Variants in MRI1 observed in about 807,000 individuals in gnomAD.
MRI1 encodes methylthioribose-1-phosphate isomerase.
MRI1 carries 32 observed loss-of-function variants against 27.3 expected under a neutral mutation model. The ratio of observed to expected loss-of-function variants is 1.17; its 90% confidence interval spans 0.88 to 1.57. MRI1 has a LOEUF of 1.57. MRI1 is among the 40% of genes most tolerant of loss of function. The pLI, the probability that MRI1 is intolerant of heterozygous loss-of-function variation, is 0.00. For missense variants in MRI1, 508 were observed against 516.1 expected (o/e 0.98, Z 0.15); for synonymous variants, 216 against 227.4 (o/e 0.95, Z 0.45).
chr19:13,772,232 C>G lies in MRI1; in HGVS notation c.1061C>G (p.Thr354Ser). The G allele has an allele frequency of 6.2e-7, 1 of 1,614,110 alleles. No homozygotes were observed. The highest frequency in any genetic ancestry group is 2.2e-5 in the East Asian group (1 of 44,876). ...FAPEELRTALTTTISSRDGTL... is the reference protein window; with the variant it reads ...FAPEELRTALSTTISSRDGTL... Reference sequence around the variant, plus strand: ...CCTGAGGAGCTCCGGACAGCCCTAACCACCACCATCTCTTCCAGGGATGGA... The same window carrying G: ...CCTGAGGAGCTCCGGACAGCCCTAAGCACCACCATCTCTTCCAGGGATGGA... The change falls in exon 6 of 6, where the codon ACC (threonine) becomes AGC (serine). Residue 354 changes from threonine (T) to serine (S), a missense_variant. Physicochemically the swap from Thr to Ser is moderately conservative, Grantham distance 58. Around this residue, in one of 3 missense-constraint regions of MRI1, gnomAD observed 457 missense variants for 452.8 expected, o/e 1.01. Coordinates refer to ENST00000040663, the MANE Select transcript of MRI1 (RefSeq NM_001031727.4).
intron 2 of MRI1, 141 bp from the exon 3 acceptor site, chr19:13,765,813 C>T: frequency 5.7e-6 from 5 of 875,772 alleles, no homozygotes; most frequent in Middle Eastern, 3.6e-4. Context: ...CTTCGGTGGC[C>T]CTGGCCGAAG....
At chr19:13,769,173 C>CT (rs1031786345) in intron 5 of MRI1, 125 bp downstream of exon 5, 46 of 836,894 alleles carry the variant, frequency 5.5e-5, no homozygotes, top group African/African-American at 2.9e-4. Flanking sequence ...TTTCTTTTTT[C>CT]TTTTTTTTGA....
chr19:13,768,367 C>T (rs1213100122), intron 3 of MRI1, 194 bp from the exon 4 acceptor site: 14 of 1,455,944 alleles, frequency 9.6e-6, no homozygotes, highest in Admixed American at 5.9e-5. Context: ...AGACGTGAAA[C>T]GGAGCTATGC....
At chr19:13,770,350 G>T (rs1015221494) in intron 5 of MRI1, among the ~76,000 whole-genome samples, 2 of 151,974 alleles carry the variant, frequency 1.3e-5, no homozygotes, top group African/African-American at 4.8e-5. Flanking sequence ...TTTGGGAGGC[G>T]GAGGTGGGCG....
At position 13,769,002 on chromosome 19, in the gene MRI1, G is replaced by A. The variant is rs538059263; in HGVS notation, c.903G>A (p.Pro301=). Residue 301 remains proline (P), a synonymous_variant, in exon 5 of 6, where the codon CCG becomes CCA. Transcript: ENST00000040663. ...TGKEIIIEER[P]GQELTDVNGV... is the part of the protein sequence containing the mutation. ...AGGAGATCATTATTGAAGAGCGACCGGGCCAGGAGCTGACCGATGTTAATG... is the reference window on the plus strand; with the variant it reads ...AGGAGATCATTATTGAAGAGCGACCAGGCCAGGAGCTGACCGATGTTAATG... 1.1e-5 allele frequency: 17 copies of A among 1,613,756 alleles called. No individual in the cohort carries two copies. Among genetic ancestry groups the A allele is most frequent in the Admixed American group, 5.0e-5 (3 of 59,978 alleles).
chr19:13,770,956 ATG>A (rs769229056), intron 5 of MRI1, among the ~76,000 whole-genome samples: 1 of 151,654 alleles, frequency 6.6e-6, no homozygotes, highest in East Asian at 1.9e-4. Flanking sequence ...GCCAGGTAAA[ATG>A]GCTCACACCT....
rs1302535653 is a variant in MRI1 at position 13,764,918 on chromosome 19, C to T, written c.180C>T (p.Ala60=). Residue 60 remains alanine, a synonymous_variant, in exon 2 of 6, where the codon GCC becomes GCT. Transcript: ENST00000040663. ...AIALVGCLSL[A]VELQAGAGGP... ...CCCTGGTGGGCTGTCTCAGCCTCGC[C>T]GTGGAGCTGCAGGCGGGCGCCGGGG... 2.0e-6 allele frequency: 3 copies of T among 1,487,032 alleles called. No individual in the cohort carries two copies. Among genetic ancestry groups the T allele is most frequent in the Non-Finnish European group, 2.7e-6 (3 of 1,123,896 alleles). 92.1% of individuals were successfully genotyped at this position (1,487,032 alleles called of 1,614,324 possible).
rs768906445 is a variant in MRI1, at chr19:13,768,320, A to G, written c.548-241A>G. The stretch of plus-strand genomic sequence containing the variant: ...GGGGATTGCTATGCAAAACTGATAT[A>G]TCAGGGAAGGCTTCACCGAGAAGGT... On this transcript the variant is annotated intron_variant, in intron 3 of 5. Coordinates refer to ENST00000040663, the MANE Select transcript of MRI1 (RefSeq NM_001031727.4). 4.0e-6 allele frequency: 4 copies of G among 1,009,536 alleles called. No individual in the cohort carries two copies. The South Asian group carries it at 5.5e-5, about 14-fold the overall frequency. The allele number at this position is 1,009,536 out of a possible 1,614,324, so 62.5% of individuals were successfully genotyped here.
chr19:13,765,160 C>T, intron 2 of MRI1, 51 bp downstream of exon 2: 4 of 1,391,338 alleles, frequency 2.9e-6, no homozygotes, highest in Non-Finnish European at 3.8e-6. Context: ...TATATTGACT[C>T]TTTTTAAGTA....
In MRI1 at chr19:13,764,623, C is replaced by G; in HGVS notation, c.35C>G (p.Ser12Cys). Residue 12 changes from serine (S) to cysteine (C), a missense_variant, in exon 1 of 6, where the codon TCC (serine) becomes TGC (cysteine). Ser to Cys is a moderately radical substitution (Grantham distance 112, BLOSUM62 -1). This residue lies in a region of MRI1 where 32 missense variants were observed against 20.2 expected (regional missense o/e 1.58). Coordinates refer to ENST00000040663, the MANE Select transcript of MRI1 (RefSeq NM_001031727.4). Reference protein sequence around the residue: ...TLEAIRYSRGSLQILDQLLLP... With the variant: ...TLEAIRYSRGCLQILDQLLLP... ...GAGGCGATCCGCTACTCGCGGGGCT[C>G]CCTGCAGATCCTAGACCAGCTGCTG... The G allele has an allele frequency of 6.2e-7, 1 of 1,609,508 alleles. No homozygotes were observed. Among genetic ancestry groups the G allele is most frequent in the Non-Finnish European group, 8.5e-7 (1 of 1,179,330 alleles).
In MRI1 at chr19:13,768,820, C is replaced by G; in HGVS notation, c.725-4C>G. On this transcript the variant is annotated splice_region_variant and splice_polypyrimidine_tract_variant and intron_variant, in intron 4 of 5. Coordinates refer to ENST00000040663, the MANE Select transcript of MRI1 (RefSeq NM_001031727.4). ...CCCCAACTTCTCATACGCCCCCTCC[C>G]CAGCTGTGGTCGTGGGAGCTGACCG... 6.2e-7 allele frequency: 1 copy of G among 1,601,836 alleles called. No individual in the cohort carries two copies. Among genetic ancestry groups the G allele is most frequent in the Non-Finnish European group, 8.5e-7 (1 of 1,171,828 alleles).
Position 13,772,343 on chromosome 19 carries a change from C to A in MRI1, c.*62C>A. Reference sequence around the variant, plus strand: ...TTCAATACATTTCTTGAATGGCTACCCAAAAGCTGACCGTCCAGCCCCTGA... The same window carrying A: ...TTCAATACATTTCTTGAATGGCTACACAAAAGCTGACCGTCCAGCCCCTGA... On this transcript the variant is annotated 3_prime_UTR_variant, in exon 6 of 6. Coordinates refer to ENST00000040663, the MANE Select transcript of MRI1 (RefSeq NM_001031727.4). 1 of 1,525,748 alleles carries A rather than the reference C, an allele frequency of 6.6e-7. No homozygotes were observed. Among genetic ancestry groups the A allele is most frequent in the Non-Finnish European group, 8.9e-7 (1 of 1,121,266 alleles). 94.5% of individuals were successfully genotyped at this position (1,525,748 alleles called of 1,614,324 possible).
rs1350924616 is a variant in MRI1 at position 13,772,511 on chromosome 19, T to C, written c.*230T>C. On this transcript the variant is annotated 3_prime_UTR_variant, in exon 6 of 6. Coordinates refer to ENST00000040663, the MANE Select transcript of MRI1 (RefSeq NM_001031727.4). ...TTGGGCAAGTCACTTCACCTCTCTG[T>C]GCCTTGGTTTCCTCATTTATAAAAT... 2.3e-6 allele frequency: 1 copy of C among 427,830 alleles called. No individual in the cohort carries two copies. The highest frequency in any genetic ancestry group is 4.1e-5 in the Admixed American group (1 of 24,304). The allele number at this position is 427,830 out of a possible 1,614,324, so 26.5% of individuals were successfully genotyped here.
chr19:13,769,673 G>A (rs535712488), intron 5 of MRI1, among the ~76,000 whole-genome samples: 16 of 152,102 alleles, frequency 1.1e-4, no homozygotes, highest in African/African-American at 2.6e-4. Context: ...TGTAATCCCA[G>A]CACTTTGGGA....
chr19:13,768,090 G>C (rs888148344), intron 3 of MRI1, among the ~76,000 whole-genome samples: 1 of 151,644 alleles, frequency 6.6e-6, no homozygotes, highest in Non-Finnish European at 1.5e-5. Flanking sequence ...GGATGGTCTC[G>C]ATCTCCTGAC....
In MRI1 at chr19:13,774,195, G is replaced by A. The variant is rs541010059; in HGVS notation, c.*1914G>A. On this transcript the variant is annotated 3_prime_UTR_variant, in exon 6 of 6. Transcript: ENST00000040663. ...GAGGTGAGTGCCACACCCTAACCTAGTCTGAGTTTTTATGTGTAAAGATCA... is the reference window on the plus strand; with the variant it reads ...GAGGTGAGTGCCACACCCTAACCTAATCTGAGTTTTTATGTGTAAAGATCA... 14 of 379,670 alleles carry A rather than the reference G, an allele frequency of 3.7e-5. No individual in the cohort carries two copies. In the South Asian group the frequency reaches 8.5e-4, roughly 23 times the overall value. 23.5% of individuals were successfully genotyped at this position (379,670 alleles called of 1,614,324 possible). A position where few individuals can be genotyped will look rare whatever the true frequency, so the allele number is the denominator to read the frequency against.
rs754000725 is a variant in MRI1 at position 13,772,264 on chromosome 19, G to C, written c.1093G>C (p.Asp365His). The C allele has an allele frequency of 1.2e-6, 2 of 1,613,504 alleles. No homozygotes were observed. The highest frequency in any genetic ancestry group is 1.7e-6 in the Non-Finnish European group (2 of 1,179,776). The change falls in exon 6 of 6, where the codon GAT (aspartate) becomes CAT (histidine). Residue 365 changes from aspartate (D) to histidine (H), a missense_variant. Around this residue, in one of 3 missense-constraint regions of MRI1, gnomAD observed 457 missense variants for 452.8 expected, o/e 1.01. Transcript: ENST00000040663. ...TTISSRDGTL[D>H]GPQM The stretch of plus-strand genomic sequence containing the variant: ...CATCTCTTCCAGGGATGGAACCCTA[G>C]ATGGACCCCAGATGTAACCAACTCA...
At chr19:13,768,358 G>C (rs1182578547) in intron 3 of MRI1, 1 of 1,401,056 alleles carries the variant, frequency 7.1e-7, no homozygotes, top group Non-Finnish European at 9.9e-7. Context: ...CCTTTAAACA[G>C]ACGTGAAACG....
Position 13,767,861 on chromosome 19 carries a change from C to CTTTTTTTTTTT in MRI1, c.548-685_548-675dup, listed in dbSNP as rs1170108927. On this transcript the variant is annotated intron_variant, in intron 3 of 5. Transcript: ENST00000040663. ...TCTTTTCAAGTATTTTCTTTCTTTCCTTTTTTTTTTTTTTTTTTTTTTTTT... is the reference window on the plus strand; with the variant it reads ...TCTTTTCAAGTATTTTCTTTCTTTCCTTTTTTTTTTTTTTTTTTTTTTTTTTTTTTTTTTTT... Among the ~76,000 whole-genome samples the CTTTTTTTTTTT allele has an allele frequency of 2.1e-3, 129 of 61,080 alleles. 11 individuals are homozygous for CTTTTTTTTTTT. The highest frequency in any genetic ancestry group is 0.012 in the East Asian group (19 of 1,640). 40.1% of individuals were successfully genotyped at this position (61,080 alleles called of 152,430 possible).
Sources: gnomAD v4.1 joint callset for allele counts (sites outside exome capture counted in the v4.1 genomes callset) on GRCh38, gnomAD v4.1.1 for gene constraint, gnomAD v4.1.1 regional missense constraint, MANE v1.5 for transcripts, NCBI Gene and HGNC (gene_info 2026-07-23, HGNC 2026-07-21) for gene names.